The following CACNG5 variants were observed in gnomAD, a reference collection of about 807,000 sequenced individuals.
CACNG5 encodes the protein voltage-dependent calcium channel gamma-5 subunit.
In CACNG5, 18 loss-of-function variants were observed where a neutral mutation model predicts 24.8. The observed-to-expected ratio is 0.73, with a 90% CI of 0.50 to 1.08. CACNG5 has a LOEUF of 1.08. Ranked by LOEUF, CACNG5 falls within the 50% of genes least tolerant of loss-of-function variation. The pLI, the probability that CACNG5 is intolerant of heterozygous loss-of-function variation, is 0.00. For missense variants in CACNG5, 349 were observed against 367.9 expected (o/e 0.95, Z 0.42); for synonymous variants, 157 against 149.1 (o/e 1.05, Z -0.39).
At chr17:66,836,344 C>T (rs1003517144) in intron 1 of CACNG5, among the ~76,000 whole-genome samples, 3 of 152,208 alleles carry the variant, frequency 2.0e-5, no homozygotes, top group Non-Finnish European at 2.9e-5. Context: ...GATGGGGCTT[C>T]CCCTCCCAGC....
chr17:66,862,888 T>TTCTC (rs144007490), intron 1 of CACNG5, among the ~76,000 whole-genome samples: 19,074 of 95,458 alleles, frequency 0.2, 1,599 homozygotes, highest in African/African-American at 0.25. Context: ...TGCCAGCATA[T>TTCTC]TCTCTGTGTG....
In CACNG5 at chr17:66,886,449, G is replaced by A. The variant is rs1008607772; in HGVS notation, c.*1209G>A. Reference sequence around the variant, plus strand: ...ACACCCATTCTTCTGGTGGGAAACCGGAGCCAGGAGGGTTTCAATTACCCT... The same window carrying A: ...ACACCCATTCTTCTGGTGGGAAACCAGAGCCAGGAGGGTTTCAATTACCCT... On this transcript the variant is annotated 3_prime_UTR_variant, in exon 6 of 6. Coordinates refer to ENST00000533854, the MANE Select transcript of CACNG5 (RefSeq NM_145811.3). 6.6e-6 allele frequency among the ~76,000 whole-genome samples: 1 copy of A among 152,156 alleles called. No homozygotes were observed. The highest frequency in any genetic ancestry group is 2.1e-4 in the South Asian group (1 of 4,822).
rs567379581 is a variant in CACNG5, at chr17:66,893,758, C to T, written c.*8518C>T. ...AACCCGGCATTCTGAAGCCCTTCAGCTGGAGAGGAGGAAGAGATGTTTCAT... is the reference window on the plus strand; with the variant it reads ...AACCCGGCATTCTGAAGCCCTTCAGTTGGAGAGGAGGAAGAGATGTTTCAT... On this transcript the variant is annotated 3_prime_UTR_variant, in exon 6 of 6. Transcript: ENST00000533854. Among the ~76,000 whole-genome samples the T allele has an allele frequency of 6.7e-6, 1 of 149,888 alleles. No individual in the cohort carries two copies. The highest frequency in any genetic ancestry group is 1.5e-5 in the Non-Finnish European group (1 of 67,710).
rs1267483376 is a variant in CACNG5 at position 66,892,164 on chromosome 17, C to G, written c.*6924C>G. Among the ~76,000 whole-genome samples the G allele has an allele frequency of 6.6e-6, 1 of 152,178 alleles. No homozygotes were observed. Among genetic ancestry groups the G allele is most frequent in the Non-Finnish European group, 1.5e-5 (1 of 68,020 alleles). The stretch of plus-strand genomic sequence containing the variant: ...GTGGACTCCTGAGGAGGTGGAAGCC[C>G]CAGGGACCTCCCCCCACTCCTCGCT... On this transcript the variant is annotated 3_prime_UTR_variant, in exon 6 of 6. Coordinates refer to ENST00000533854, the MANE Select transcript of CACNG5 (RefSeq NM_145811.3).
Position 66,888,066 on chromosome 17 carries a change from G to A in CACNG5, c.*2826G>A, listed in dbSNP as rs1419215693. On this transcript the variant is annotated 3_prime_UTR_variant, in exon 6 of 6. Transcript: ENST00000533854. Reference sequence around the variant, plus strand: ...TCAAGCACTGTAAAAAAATGGGAGGGGTAGACTAATAAACCCAAGTGTCAT... The same window carrying A: ...TCAAGCACTGTAAAAAAATGGGAGGAGTAGACTAATAAACCCAAGTGTCAT... 1.3e-5 allele frequency among the ~76,000 whole-genome samples: 2 copies of A among 151,848 alleles called. No homozygotes were observed. The highest frequency in any genetic ancestry group is 2.9e-5 in the Non-Finnish European group (2 of 67,988).
chr17:66,876,052 G>A (rs1342338994), intron 1 of CACNG5, among the ~76,000 whole-genome samples: 1 of 152,174 alleles, frequency 6.6e-6, no homozygotes, highest in Non-Finnish European at 1.5e-5. Flanking sequence ...ACAACTCACC[G>A]GGATCCTGTT....
chr17:66,872,256 AT>A (rs914238349), intron 1 of CACNG5, among the ~76,000 whole-genome samples: 2 of 152,212 alleles, frequency 1.3e-5, no homozygotes, highest in Non-Finnish European at 2.9e-5. Flanking sequence ...TAGTGTAAAC[AT>A]TTTATCTTGT....
chr17:66,835,481 T>C (rs1976471518), intron 1 of CACNG5, among the ~76,000 whole-genome samples: 2 of 152,142 alleles, frequency 1.3e-5, no homozygotes, highest in South Asian at 4.1e-4. Flanking sequence ...CATCTGTCTG[T>C]CCCAAGGATG....
intron 1 of CACNG5, among the ~76,000 whole-genome samples, chr17:66,863,468 G>A (rs2143079485): frequency 6.6e-6 from 1 of 152,210 alleles, no homozygotes; most frequent in African/African-American, 2.4e-5. Context: ...CTGGGTTCAA[G>A]CAATTCTCCT....
Position 66,885,037 on chromosome 17 carries a change from A to G in CACNG5, c.625A>G (p.Met209Val), listed in dbSNP as rs201800034. Reference protein sequence around the residue: ...LFMKRYTAEDMYRPHPGFYRP... With the variant: ...LFMKRYTAEDVYRPHPGFYRP... ...TATGAAGCGGTACACCGCGGAGGAC[A>G]TGTACAGGCCCCACCCTGGCTTCTA... is the stretch of plus-strand genomic sequence containing the variant. The change falls in exon 6 of 6, where the codon ATG becomes GTG. Residue 209 changes from methionine (M) to valine (V), a missense_variant. By Grantham distance (21) the Met-to-Val change is conservative. Coordinates refer to ENST00000533854, the MANE Select transcript of CACNG5 (RefSeq NM_145811.3). 23 of 1,614,022 alleles carry G rather than the reference A, an allele frequency of 1.4e-5. No homozygotes were observed. The highest frequency in any genetic ancestry group is 2.7e-5 in the African/African-American group (2 of 74,898).
chr17:66,871,311 T>C (rs1977003940), intron 1 of CACNG5, among the ~76,000 whole-genome samples: 1 of 152,284 alleles, frequency 6.6e-6, no homozygotes, highest in South Asian at 2.1e-4. Context: ...CCCTACACCA[T>C]GAACCTTTTA....
chr17:66,866,322 T>C (rs1446372282), intron 1 of CACNG5, among the ~76,000 whole-genome samples: 1 of 152,206 alleles, frequency 6.6e-6, no homozygotes, highest in Non-Finnish European at 1.5e-5. Context: ...TCGCCCAGGC[T>C]GGAATGCAGT....
chr17:66,877,084 T>C, intron 1 of CACNG5, 146 bp from the exon 2 acceptor site: 1 of 469,276 alleles, frequency 2.1e-6, no homozygotes, highest in Non-Finnish European at 3.8e-6. Flanking sequence ...CCAAGAACGC[T>C]CTGAATTGCT....
At chr17:66,840,001 A>C (rs1041993993) in intron 1 of CACNG5, among the ~76,000 whole-genome samples, 3 of 152,222 alleles carry the variant, frequency 2.0e-5, no homozygotes, top group Non-Finnish European at 4.4e-5. Context: ...TCGGAGCCAC[A>C]CAGAACTGAG....
intron 1 of CACNG5, among the ~76,000 whole-genome samples, chr17:66,871,839 G>A (rs1204242186): frequency 2.0e-5 from 3 of 152,126 alleles, no homozygotes; most frequent in Non-Finnish European, 4.4e-5. Flanking sequence ...CAGCCTGGGT[G>A]ACAGAGCGAG....
chr17:66,839,812 C>T (rs905619315), intron 1 of CACNG5, among the ~76,000 whole-genome samples: 13 of 152,254 alleles, frequency 8.5e-5, no homozygotes, highest in Admixed American at 5.2e-4. Flanking sequence ...TAGGCACAAA[C>T]GCCGCTCCAG....
At chr17:66,839,826 T>A (rs1244922065) in intron 1 of CACNG5, among the ~76,000 whole-genome samples, 3 of 152,188 alleles carry the variant, frequency 2.0e-5, no homozygotes, top group African/African-American at 7.2e-5. Flanking sequence ...GCTCCAGGGC[T>A]GTTCCGCGCA....
chr17:66,880,725 A>G, intron 4 of CACNG5, 28 bp downstream of exon 4: 1 of 1,603,952 alleles, frequency 6.2e-7, no homozygotes, highest in South Asian at 1.1e-5. Flanking sequence ...CTTTTCTTGC[A>G]CCCTGGAATT....
intron 1 of CACNG5, among the ~76,000 whole-genome samples, chr17:66,852,963 TCTC>T (rs1301615604): frequency 5.3e-5 from 8 of 151,108 alleles, no homozygotes; most frequent in African/African-American, 1.5e-4. Context: ...CCTCTCCTTC[TCTC>T]CTCCTTCTCT....
Sources: allele counts gnomAD v4.1 joint callset (sites outside exome capture counted in the v4.1 genomes callset), GRCh38; gene constraint gnomAD v4.1.1; transcripts MANE v1.5; gene names NCBI Gene and HGNC (gene_info 2026-07-23, HGNC 2026-07-21).